The following VXN variants were observed in gnomAD, a reference collection of about 807,000 sequenced individuals.
The protein encoded by VXN is uncharacterized protein C8orf46.
In VXN, 7 loss-of-function variants were observed where a neutral mutation model predicts 23.1. The observed-to-expected ratio is 0.30, with a 90% CI of 0.17 to 0.57. The LOEUF (loss-of-function observed/expected upper bound fraction) is 0.57. VXN is among the 20% of genes least tolerant of loss of function. The probability of loss-of-function intolerance (pLI) is 0.91; values close to 1 mark genes in which losing one functional copy is unlikely to be tolerated. For synonymous variants in VXN, 120 were observed against 105.8 expected (o/e 1.13, Z -0.83); for missense variants, 238 against 272.6 (o/e 0.87, Z 0.89).
chr8:66,515,279 T>G (rs1181948431), intron 5 of VXN, among the ~76,000 whole-genome samples: 1 of 152,166 alleles, frequency 6.6e-6, no homozygotes, highest in Non-Finnish European at 1.5e-5. Flanking sequence ...TCCTGGACCC[T>G]AGTTACAGAA....
intron 4 of VXN, among the ~76,000 whole-genome samples, chr8:66,511,258 G>A (rs563125816): frequency 4.7e-4 from 71 of 152,308 alleles, no homozygotes; most frequent in African/African-American, 1.7e-3. Context: ...GGCTGGAGGT[G>A]AGGTCAGCTC....
chr8:66,502,627 G>T (rs555816958), intron 2 of VXN, among the ~76,000 whole-genome samples: 1 of 152,160 alleles, frequency 6.6e-6, no homozygotes, highest in East Asian at 1.9e-4. Context: ...GGCGCCTGTA[G>T]TCCTAGCTAC....
intron 1 of VXN, among the ~76,000 whole-genome samples, chr8:66,495,638 G>A (rs1375392008): frequency 6.6e-6 from 1 of 152,018 alleles, no homozygotes; most frequent in Non-Finnish European, 1.5e-5. Flanking sequence ...TTCATTCATG[G>A]CCACTTCCTT....
Position 66,517,472 on chromosome 8 carries a change from C to A in VXN, c.*1396C>A, listed in dbSNP as rs537789494. The A allele has an allele frequency of 6.6e-6, 1 of 152,148 alleles. No individual in the cohort carries two copies. Among genetic ancestry groups the A allele is most frequent in the Admixed American group, 6.5e-5 (1 of 15,272 alleles). The allele number at this position is 152,148 out of a possible 1,614,324, so 9.4% of individuals were successfully genotyped here. ...CCTGTGTTAGAGCTACTCCTTCACA[C>A]AAAATAGTTCAGAACATAGAGAAGG... On this transcript the variant is annotated 3_prime_UTR_variant, in exon 6 of 6. Coordinates refer to ENST00000305454, the MANE Select transcript of VXN (RefSeq NM_152765.4).
intron 4 of VXN, 74 bp downstream of exon 4, chr8:66,510,231 A>C (rs1485567782): frequency 8.3e-7 from 1 of 1,209,306 alleles, no homozygotes; most frequent in African/African-American, 1.5e-5. Flanking sequence ...CTCCTGTGCC[A>C]TGAAGAGAGA....
intron 1 of VXN, among the ~76,000 whole-genome samples, chr8:66,494,344 T>C (rs541284594): frequency 9.9e-5 from 15 of 152,230 alleles, no homozygotes; most frequent in African/African-American, 3.6e-4. Context: ...TGTGTGAGGG[T>C]TCTGATGACT....
chr8:66,506,571 A>G (rs1222650146), intron 3 of VXN, among the ~76,000 whole-genome samples: 1 of 152,140 alleles, frequency 6.6e-6, no homozygotes, highest in African/African-American at 2.4e-5. Context: ...CCAAAAATAC[A>G]CAATAGAAAG....
chr8:66,505,453 G>A lies in VXN; in HGVS notation c.205G>A (p.Asp69Asn). Residue 69 changes from aspartate (D) to asparagine (N), a missense_variant, in exon 3 of 6, where the codon GAC (aspartate) becomes AAC (asparagine). Asp to Asn is a conservative substitution (Grantham distance 23, BLOSUM62 1). This residue lies in a region of VXN where 223 missense variants were observed against 236.9 expected (regional missense o/e 0.94). Coordinates refer to ENST00000305454, the MANE Select transcript of VXN (RefSeq NM_152765.4). ...PHRGDRRDPG[D>N]RRRFGRLQTA... ...CCGCGGAGACCGCAGGGACCCTGGC[G>A]ACCGCCGCAGGTTTGGGCGGCTCCA... 1 of 1,574,010 alleles carries A rather than the reference G, an allele frequency of 6.4e-7. No individual in the cohort carries two copies. Among genetic ancestry groups the A allele is most frequent in the South Asian group, 1.2e-5 (1 of 86,174 alleles).
rs137934993 is a variant in VXN, at chr8:66,514,586, C to T, written c.440+949C>T. Among the ~76,000 whole-genome samples, 417 of 152,230 alleles carry T rather than the reference C, an allele frequency of 2.7e-3. 3 individuals are homozygous for T. The highest frequency in any genetic ancestry group is 0.013 in the South Asian group (63 of 4,820). On this transcript the variant is annotated intron_variant, in intron 5 of 5. Coordinates refer to ENST00000305454, the MANE Select transcript of VXN (RefSeq NM_152765.4). ...CTGGAGCTATAGGCGCCCGCCACCA[C>T]GCCCAGCCGATTTTTGTATTTTTAG... is the stretch of plus-strand genomic sequence containing the variant.
intron 3 of VXN, among the ~76,000 whole-genome samples, chr8:66,506,313 T>C (rs572415762): frequency 6.7e-6 from 1 of 150,212 alleles, no homozygotes; most frequent in Non-Finnish European, 1.5e-5. Flanking sequence ...TCATAAAATC[T>C]TACCATTCTA....
chr8:66,504,872 A>G (rs1262278015), intron 2 of VXN, among the ~76,000 whole-genome samples: 2 of 152,158 alleles, frequency 1.3e-5, no homozygotes, highest in Non-Finnish European at 2.9e-5. Context: ...AAAATCTGAG[A>G]CTAAGTTGGG....
At position 66,510,157 on chromosome 8, in the gene VXN, G is replaced by A. The variant is rs1216547180; in HGVS notation, c.342G>A (p.Leu114=). 5.6e-6 allele frequency: 9 copies of A among 1,610,780 alleles called. No homozygotes were observed. Among genetic ancestry groups the A allele is most frequent in the Non-Finnish European group, 5.9e-6 (7 of 1,178,320 alleles). ...LCGNRAYGKS[L]IPPVPRISVK... is the part of the protein sequence containing the mutation. ...GGAATCGAGCATATGGAAAATCTCTGGTAAGTAAAATAAGCCTGCTTAGTT... is the reference window on the plus strand; with the variant it reads ...GGAATCGAGCATATGGAAAATCTCTAGTAAGTAAAATAAGCCTGCTTAGTT... The change falls in exon 4 of 6, where the codon CTG becomes CTA. Residue 114 remains leucine, a splice_region_variant and synonymous_variant. Coordinates refer to ENST00000305454, the MANE Select transcript of VXN (RefSeq NM_152765.4).
chr8:66,498,416 T>C (rs1025319527), intron 2 of VXN, among the ~76,000 whole-genome samples: 36 of 152,246 alleles, frequency 2.4e-4, no homozygotes, highest in Non-Finnish European at 2.4e-4. Context: ...ACATATACTA[T>C]ACATGTAAAT....
intron 1 of VXN, among the ~76,000 whole-genome samples, chr8:66,495,367 C>G (rs1807614592): frequency 6.6e-6 from 1 of 152,216 alleles, no homozygotes; most frequent in African/African-American, 2.4e-5. Context: ...CACTTCTGCA[C>G]TGTGTGACCT....
chr8:66,506,363 A>G (rs1004088969), intron 3 of VXN, among the ~76,000 whole-genome samples: 2 of 151,824 alleles, frequency 1.3e-5, no homozygotes, highest in African/African-American at 4.8e-5. Flanking sequence ...ACAAGAGTGT[A>G]GGAGTAAGTT....
chr8:66,503,150 T>C (rs1238589833), intron 2 of VXN, among the ~76,000 whole-genome samples: 1 of 152,212 alleles, frequency 6.6e-6, no homozygotes, highest in African/African-American at 2.4e-5. Context: ...CCAGCCTGAA[T>C]GTAGGCACTT....
chr8:66,515,191 C>G (rs111886107), intron 5 of VXN, among the ~76,000 whole-genome samples: 1,780 of 152,342 alleles, frequency 0.012, 37 homozygotes, highest in African/African-American at 0.04. Context: ...GCCAACCTTT[C>G]AGTCCACGTG....
chr8:66,513,267 T>G (rs1467127243), intron 4 of VXN, among the ~76,000 whole-genome samples: 1 of 152,136 alleles, frequency 6.6e-6, no homozygotes, highest in East Asian at 1.9e-4. Flanking sequence ...TGGCTCAAAG[T>G]GGAGTCCCAG....
At chr8:66,498,902 C>T in intron 2 of VXN, 1 of 448,974 alleles carries the variant, frequency 2.2e-6, no homozygotes, top group Non-Finnish European at 4.5e-6. Flanking sequence ...TGAGAAGCTG[C>T]AGAAGAGAGG....
Sources: gnomAD v4.1 joint callset for allele counts (sites outside exome capture counted in the v4.1 genomes callset) on GRCh38, gnomAD v4.1.1 for gene constraint, gnomAD v4.1.1 regional missense constraint, MANE v1.5 for transcripts, NCBI Gene and HGNC (gene_info 2026-07-23, HGNC 2026-07-21) for gene names.